HACD2: variants seen among roughly 807,000 people sequenced by gnomAD.
The protein encoded by HACD2 is very-long-chain (3R)-3-hydroxyacyl-CoA dehydratase 2.
A neutral mutation model predicts 31.0 loss-of-function variants in HACD2; 15 were observed. That is an observed-to-expected ratio of 0.48 (90% CI 0.32 to 0.75). The LOEUF is 0.75. Ranked by LOEUF, HACD2 falls within the 30% of genes least tolerant of loss-of-function variation. The probability of loss-of-function intolerance (pLI) is 0.03; values close to 1 mark genes in which losing one functional copy is unlikely to be tolerated. For synonymous variants in HACD2, 115 were observed against 122.2 expected, an observed-to-expected ratio of 0.94 and a Z score of 0.39; for missense variants, 283 against 313.0, an observed-to-expected ratio of 0.90 and a Z score of 0.72.
At chr3:123,560,231 G>C (rs757651130) in intron 3 of HACD2, among the ~76,000 whole-genome samples, 3 of 152,232 alleles carry the variant, frequency 2.0e-5, no homozygotes, top group African/African-American at 4.8e-5. Context: ...AGCTAAGGCA[G>C]AGGGAGGCTA....
intron 3 of HACD2, among the ~76,000 whole-genome samples, chr3:123,543,514 G>C (rs1480289639): frequency 2.0e-5 from 3 of 152,180 alleles, no homozygotes; most frequent in African/African-American, 7.2e-5. Flanking sequence ...GGGGACTGGG[G>C]TGGGAAAGAG....
chr3:123,537,076 G>C (rs2056434928), intron 3 of HACD2, among the ~76,000 whole-genome samples: 1 of 151,950 alleles, frequency 6.6e-6, no homozygotes, highest in South Asian at 2.1e-4. Context: ...TGGTAATTAT[G>C]GTCATAGACT....
chr3:123,560,672 C>A (rs1195804306), intron 3 of HACD2, among the ~76,000 whole-genome samples: 1 of 152,186 alleles, frequency 6.6e-6, no homozygotes. Context: ...AGAAGCTGCG[C>A]CAGCCCCCAG....
At chr3:123,558,168 C>T (rs758051151) in intron 3 of HACD2, among the ~76,000 whole-genome samples, 7 of 152,120 alleles carry the variant, frequency 4.6e-5, no homozygotes, top group Non-Finnish European at 1.0e-4. Flanking sequence ...TCAAAGAAGT[C>T]GGTCTGAAAA....
At chr3:123,512,490 G>GA (rs1000117514) in intron 4 of HACD2, among the ~76,000 whole-genome samples, 10 of 152,122 alleles carry the variant, frequency 6.6e-5, no homozygotes, top group African/African-American at 2.4e-4. Context: ...TGAGGACATG[G>GA]AAAGGTGAGG....
At chr3:123,533,314 A>G (rs2056387990) in intron 3 of HACD2, among the ~76,000 whole-genome samples, 1 of 152,084 alleles carries the variant, frequency 6.6e-6, no homozygotes. Context: ...ACGCCCAGCT[A>G]ATTTTTGTAT....
chr3:123,529,537 C>A (rs1343796753), intron 3 of HACD2, among the ~76,000 whole-genome samples: 2 of 152,136 alleles, frequency 1.3e-5, no homozygotes, highest in South Asian at 2.1e-4. Context: ...CCATCCTGCA[C>A]AACATAGCGA....
chr3:123,549,806 A>G (rs974198163), intron 3 of HACD2, among the ~76,000 whole-genome samples: 3 of 152,168 alleles, frequency 2.0e-5, no homozygotes, highest in African/African-American at 7.2e-5. Context: ...GCAGACTGAC[A>G]TACCTCTAAA....
chr3:123,579,044 T>C (rs769629239), intron 2 of HACD2, among the ~76,000 whole-genome samples: 3 of 152,228 alleles, frequency 2.0e-5, no homozygotes, highest in Non-Finnish European at 4.4e-5. Context: ...CACTTCCTTA[T>C]GCACAGACAT....
At chr3:123,498,892 C>CA (rs1436714953) in intron 6 of HACD2, among the ~76,000 whole-genome samples, 1 of 152,132 alleles carries the variant, frequency 6.6e-6, no homozygotes, top group Non-Finnish European at 1.5e-5. Context: ...AAGGAAGAGG[C>CA]AAAGCTCAGC....
At chr3:123,551,083 G>A (rs1638667567) in intron 3 of HACD2, among the ~76,000 whole-genome samples, 1 of 152,144 alleles carries the variant, frequency 6.6e-6, no homozygotes, top group Non-Finnish European at 1.5e-5. Context: ...GAGGATGTTC[G>A]TACTCTGTGA....
At chr3:123,547,618 C>G (rs138115512) in intron 3 of HACD2, among the ~76,000 whole-genome samples, 103 of 152,234 alleles carry the variant, frequency 6.8e-4, no homozygotes, top group Admixed American at 2.9e-3. Flanking sequence ...CAGGTGGAGT[C>G]TGCACTGAGA....
At chr3:123,527,290 T>C (rs888100937) in intron 4 of HACD2, among the ~76,000 whole-genome samples, 18 of 152,326 alleles carry the variant, frequency 1.2e-4, no homozygotes, top group African/African-American at 4.1e-4. Context: ...TAGCTTCTGT[T>C]ACACCTGGTC....
chr3:123,574,498 T>C (rs2056887439), intron 2 of HACD2, among the ~76,000 whole-genome samples: 1 of 152,234 alleles, frequency 6.6e-6, no homozygotes, highest in Non-Finnish European at 1.5e-5. Context: ...TATAGGTTTA[T>C]TATTCTCCTG....
At chr3:123,573,651 T>C (rs1486142856) in intron 2 of HACD2, among the ~76,000 whole-genome samples, 1 of 152,088 alleles carries the variant, frequency 6.6e-6, no homozygotes, top group Non-Finnish European at 1.5e-5. Flanking sequence ...CTAATAAAGG[T>C]GATTTTTAGG....
Position 123,585,003 on chromosome 3 carries a change from C to A in HACD2, c.25G>T (p.Ala9Ser). 1 of 1,515,764 alleles carries A rather than the reference C, an allele frequency of 6.6e-7. No homozygotes were observed. Among genetic ancestry groups the A allele is most frequent in the Non-Finnish European group, 8.8e-7 (1 of 1,133,514 alleles). The allele number at this position is 1,515,764 out of a possible 1,614,324, so 93.9% of individuals were successfully genotyped here. ...CCGCCGCCCCCATTCCCCTTCGCTG[C>A]TGCAGTCGCCGCCACTGCCGCCATG... MAAVAATAAAKGNGGGGGR... is the reference protein window; with the variant it reads MAAVAATASAKGNGGGGGR... The change falls in exon 1 of 7, where the codon GCA becomes TCA. Residue 9 changes from alanine to serine, a missense_variant. Coordinates refer to ENST00000383657, the MANE Select transcript of HACD2 (RefSeq NM_198402.5).
intron 4 of HACD2, among the ~76,000 whole-genome samples, chr3:123,526,684 G>A (rs142270581): frequency 3.9e-5 from 6 of 152,206 alleles, no homozygotes; most frequent in African/African-American, 7.2e-5. Context: ...ATGTGAAACC[G>A]TCTGTTATAT....
At chr3:123,578,491 G>T (rs944583814) in intron 2 of HACD2, among the ~76,000 whole-genome samples, 3 of 152,042 alleles carry the variant, frequency 2.0e-5, no homozygotes, top group African/African-American at 7.2e-5. Flanking sequence ...GGATGGTCTT[G>T]AATTTCTGGC....
Position 123,546,216 on chromosome 3 carries a change from C to T in HACD2, c.293-17742G>A, listed in dbSNP as rs551145199. Among the ~76,000 whole-genome samples the T allele has an allele frequency of 5.3e-5, 8 of 152,202 alleles. No homozygotes were observed. In the South Asian group the frequency reaches 1.7e-3, roughly 32 times the overall value. On this transcript the variant is annotated intron_variant, in intron 3 of 6. Coordinates refer to ENST00000383657, the MANE Select transcript of HACD2 (RefSeq NM_198402.5). ...GATTCCAACACTAAAGATATAGAGCCGATTCATTACTTACACTGAGTACTG... is the reference window on the plus strand; with the variant it reads ...GATTCCAACACTAAAGATATAGAGCTGATTCATTACTTACACTGAGTACTG...
Sources: gnomAD v4.1 joint callset for allele counts (sites outside exome capture counted in the v4.1 genomes callset) on GRCh38, gnomAD v4.1.1 for gene constraint, MANE v1.5 for transcripts, NCBI Gene and HGNC (gene_info 2026-07-23, HGNC 2026-07-21) for gene names.